Variants in HDDC2 observed in about 807,000 individuals in gnomAD.
The protein encoded by HDDC2 is HD domain containing 2.
In HDDC2, 25 loss-of-function variants were observed where a neutral mutation model predicts 25.5. The ratio of observed to expected loss-of-function variants is 0.98; its 90% CI spans 0.72 to 1.37. The LOEUF (loss-of-function observed/expected upper bound fraction) is 1.37, where lower values mean the gene tolerates loss of function less well. Ranked by LOEUF, HDDC2 falls within the 40% of genes most tolerant of loss-of-function variation. The pLI is 0.00. For missense variants in HDDC2, 264 were observed against 253.1 expected, an observed-to-expected ratio of 1.04 and a Z score of -0.29; for synonymous variants, 106 against 89.7, an observed-to-expected ratio of 1.18 and a Z score of -1.03.
rs924807047 is a variant in HDDC2, at chr6:125,276,458, GGAT to G, written c.518-218_518-216del. The G allele has an allele frequency of 5.4e-6, 3 of 550,602 alleles. No individual in the cohort carries two copies. In the African/African-American group the frequency reaches 5.7e-5, roughly 11 times the overall value. The allele number at this position is 550,602 out of a possible 1,614,324, so 34.1% of individuals were successfully genotyped here. ...TCACCCCAGGTGCAACTGAGAATAA[GGAT>G]GAGACTCAGGCAAGGAATCATCAAT... On this transcript the variant is annotated intron_variant, in intron 5 of 5. Coordinates refer to ENST00000398153, the MANE Select transcript of HDDC2 (RefSeq NM_016063.3).
rs746856033 is a variant in HDDC2, at chr6:125,277,174, G to C, written c.445C>G (p.Leu149Val). 1.2e-6 allele frequency: 2 copies of C among 1,614,004 alleles called. No individual in the cohort carries two copies. The highest frequency in any genetic ancestry group is 1.1e-5 in the South Asian group (1 of 91,062). Residue 149 changes from leucine (L) to valine (V), a missense_variant, in exon 5 of 6, where the codon CTT (leucine) becomes GTT (valine). Transcript: ENST00000398153. ...VKQLDQCEMI[L>V]QASEYEDLEH... ...AGGTCTTCATATTCAGATGCTTGAA[G>C]AATCATTTCACATTGGTCTAGCTGC...
chr6:125,297,607 T>G (rs1798724035), intron 3 of HDDC2: 1 of 394,060 alleles, frequency 2.5e-6, no homozygotes, highest in Non-Finnish European at 4.4e-6. Context: ...TCTCTTTCTT[T>G]TCCCCCACAA....
chr6:125,287,931 G>A (rs1255160147), intron 4 of HDDC2, among the ~76,000 whole-genome samples: 3 of 152,204 alleles, frequency 2.0e-5, no homozygotes, highest in East Asian at 1.9e-4. Context: ...ACACCCACAC[G>A]AAGGCCGAAG....
chr6:125,301,809 G>T (rs1798813516), intron 1 of HDDC2, 40 bp downstream of exon 1: 3 of 1,472,974 alleles, frequency 2.0e-6, no homozygotes, highest in African/African-American at 1.4e-5. Flanking sequence ...CCACAGTCCC[G>T]CCCGCTCGGC....
intron 4 of HDDC2, chr6:125,278,454 C>G (rs1456693161): frequency 1.3e-5 from 2 of 152,040 alleles, no homozygotes; most frequent in Non-Finnish European, 2.9e-5. Flanking sequence ...TACAATACAT[C>G]TTATTACAAG....
intron 4 of HDDC2, among the ~76,000 whole-genome samples, chr6:125,288,053 T>C (rs1274619951): frequency 1.3e-5 from 2 of 152,200 alleles, no homozygotes; most frequent in Non-Finnish European, 2.9e-5. Context: ...TGTTTAGTGC[T>C]GAAGAGAAGT....
intron 4 of HDDC2, among the ~76,000 whole-genome samples, chr6:125,284,680 A>G (rs559909327): frequency 7.2e-5 from 11 of 152,334 alleles, no homozygotes; most frequent in Admixed American, 6.5e-4. Flanking sequence ...GCTGGAGAGG[A>G]TGTGGAGAAA....
intron 4 of HDDC2, among the ~76,000 whole-genome samples, chr6:125,288,390 CAG>C (rs976694958): frequency 1.3e-5 from 2 of 152,102 alleles, no homozygotes; most frequent in Admixed American, 1.3e-4. Flanking sequence ...CCCCACGGCA[CAG>C]AGTCTCTGAA....
intron 2 of HDDC2, chr6:125,300,310 C>G: frequency 2.0e-6 from 1 of 496,254 alleles, no homozygotes; most frequent in Non-Finnish European, 3.5e-6. Flanking sequence ...TAAGTTTCCC[C>G]TGATACCCTA....
At chr6:125,295,025 T>C (rs1798687920) in intron 3 of HDDC2, among the ~76,000 whole-genome samples, 1 of 152,244 alleles carries the variant, frequency 6.6e-6, no homozygotes, top group African/African-American at 2.4e-5. Context: ...TGAAACCTTG[T>C]AGAGAGTTAA....
intron 4 of HDDC2, among the ~76,000 whole-genome samples, chr6:125,292,573 G>A (rs1198678859): frequency 6.6e-6 from 1 of 152,132 alleles, no homozygotes; most frequent in Admixed American, 6.6e-5. Flanking sequence ...ACCAAAAATG[G>A]GTGGGTGTGG....
intron 1 of HDDC2, among the ~76,000 whole-genome samples, 181 bp downstream of exon 1, chr6:125,301,668 C>A (rs971280713): frequency 1.1e-4 from 17 of 152,320 alleles, no homozygotes; most frequent in Admixed American, 7.2e-4. Context: ...CCGGCTGCTT[C>A]CTCCGTCCAC....
intron 3 of HDDC2, 168 bp from the exon 4 acceptor site, chr6:125,293,077 T>C: frequency 2.9e-6 from 2 of 696,034 alleles, no homozygotes; most frequent in South Asian, 3.0e-5. Context: ...AGGCAGGCAG[T>C]TGTATACCTT....
chr6:125,277,144 G>A lies in HDDC2; in HGVS notation c.475C>T (p.His159Tyr), dbSNP rs914601908. The change falls in exon 5 of 6, where the codon CAC becomes TAC. Residue 159 changes from histidine to tyrosine, a missense_variant. His to Tyr is a moderately conservative substitution (Grantham distance 83). Transcript: ENST00000398153. ...AAGTCTTGCAGTCTCCCAGGTTTGT[G>A]TTCAAGGTCTTCATATTCAGATGCT... Reference protein sequence around the residue: ...LQASEYEDLEHKPGRLQDFYD... With the variant: ...LQASEYEDLEYKPGRLQDFYD... The A allele has an allele frequency of 1.5e-5, 25 of 1,613,962 alleles. No homozygotes were observed. Among genetic ancestry groups the A allele is most frequent in the Non-Finnish European group, 1.9e-5 (23 of 1,179,978 alleles).
chr6:125,277,050 C>G, intron 5 of HDDC2, 52 bp downstream of exon 5: 1 of 1,594,470 alleles, frequency 6.3e-7, no homozygotes, highest in East Asian at 2.2e-5. Context: ...TTAGTCACTA[C>G]ACTGAGTAAG....
intron 4 of HDDC2, among the ~76,000 whole-genome samples, chr6:125,290,284 C>T (rs144237445): frequency 1.3e-5 from 2 of 152,206 alleles, no homozygotes; most frequent in East Asian, 1.9e-4. Flanking sequence ...ATTCCTACAA[C>T]CCTATAATTA....
chr6:125,289,507 A>C (rs966163560), intron 4 of HDDC2, among the ~76,000 whole-genome samples: 62 of 137,118 alleles, frequency 4.5e-4, no homozygotes, highest in African/African-American at 1.9e-3. Context: ...AAAAAAAACA[A>C]AACAAAACAA....
chr6:125,284,009 A>G (rs774574216), intron 4 of HDDC2, among the ~76,000 whole-genome samples: 10 of 152,072 alleles, frequency 6.6e-5, no homozygotes, highest in Non-Finnish European at 2.9e-5. Flanking sequence ...AGAAATAACA[A>G]CACACACACT....
Position 125,292,899 on chromosome 6 carries a change from T to C in HDDC2, c.320A>G (p.Lys107Arg), listed in dbSNP as rs748766355. Reference sequence around the variant, plus strand: ...CTCTGGTAGGAGCTGGGTTATCTGCTTCATAGCTTCCTGAAATATTAAACC... The same window carrying C: ...CTCTGGTAGGAGCTGGGTTATCTGCCTCATAGCTTCCTGAAATATTAAACC... ...EKHRREEEAM[K>R]QITQLLPEDL... is the part of the protein sequence containing the mutation. Residue 107 changes from lysine to arginine, a missense_variant, in exon 4 of 6, where the codon AAG becomes AGG. Physicochemically the swap from Lys to Arg is conservative, Grantham distance 26. Transcript: ENST00000398153. The C allele has an allele frequency of 2.5e-6, 4 of 1,611,718 alleles. No individual in the cohort carries two copies. Among genetic ancestry groups the C allele is most frequent in the Non-Finnish European group, 2.5e-6 (3 of 1,177,898 alleles).
Sources: allele counts gnomAD v4.1 joint callset (sites outside exome capture counted in the v4.1 genomes callset), GRCh38; gene constraint gnomAD v4.1.1; transcripts MANE v1.5; gene names NCBI Gene and HGNC (gene_info 2026-07-23, HGNC 2026-07-21).